The following NEBL variants were observed in gnomAD, a reference collection of about 807,000 sequenced individuals.
NEBL encodes nebulette.
In NEBL, 122 loss-of-function variants were observed where a neutral mutation model predicts 140.2. The observed-to-expected ratio is 0.87, with a 90% confidence interval of 0.75 to 1.01. The LOEUF (loss-of-function observed/expected upper bound fraction) is 1.01, where lower values mean the gene tolerates loss of function less well. Among genes scored for constraint, NEBL ranks in the 50% least tolerant of loss-of-function variants. The pLI is 0.00. For synonymous variants in NEBL, 436 were observed against 398.9 expected (o/e 1.09, Z -1.11); for missense variants, 1,365 against 1,231.3 (o/e 1.11, Z -1.62).
At chr10:20,877,235 A>G (rs976303584) in intron 5 of NEBL, among the ~76,000 whole-genome samples, 1 of 152,196 alleles carries the variant, frequency 6.6e-6, no homozygotes, top group Non-Finnish European at 1.5e-5. Context: ...ACTTGTGAGA[A>G]TCTTCAGAGG....
chr10:21,154,060 A>G (rs991392851), intron 2 of NEBL, among the ~76,000 whole-genome samples: 2 of 152,184 alleles, frequency 1.3e-5, no homozygotes, highest in African/African-American at 4.8e-5. Flanking sequence ...AAATCAGCTT[A>G]ATCATAAAGA....
intron 4 of NEBL, among the ~76,000 whole-genome samples, chr10:20,905,847 G>A (rs1848071541): frequency 6.6e-6 from 1 of 152,244 alleles, no homozygotes; most frequent in South Asian, 2.1e-4. Context: ...CTACATGACG[G>A]AAATGTATAG....
chr10:20,936,384 G>A (rs1004493283), intron 4 of NEBL, among the ~76,000 whole-genome samples: 21 of 152,174 alleles, frequency 1.4e-4, no homozygotes, highest in African/African-American at 4.6e-4. Context: ...CAAATCAGCT[G>A]TTTATGCCTA....
chr10:21,282,733 C>A (rs758353788), intron 1 of NEBL, among the ~76,000 whole-genome samples: 3 of 152,114 alleles, frequency 2.0e-5, no homozygotes, highest in Non-Finnish European at 4.4e-5. Flanking sequence ...CTGAGACCTA[C>A]TGGGCTGCAT....
intron 4 of NEBL, among the ~76,000 whole-genome samples, chr10:20,906,988 A>T (rs1848120260): frequency 6.6e-6 from 1 of 152,166 alleles, no homozygotes. Context: ...TGAACTTCAC[A>T]GTTACAGCAC....
At chr10:21,066,242 A>G (rs188150636) in intron 2 of NEBL, among the ~76,000 whole-genome samples, 4 of 152,312 alleles carry the variant, frequency 2.6e-5, no homozygotes, top group Admixed American at 2.0e-4. Flanking sequence ...CCTCTTCCAC[A>G]TACTTTTACA....
At chr10:20,900,771 G>C (rs551410548), upstream of NEBL, among the ~76,000 whole-genome samples, 2 of 151,432 alleles carry the variant, frequency 1.3e-5, no homozygotes, top group African/African-American at 4.9e-5. Flanking sequence ...CTTGAACTTG[G>C]GAGGCGTAGG....
intron 2 of NEBL, among the ~76,000 whole-genome samples, chr10:21,080,941 G>A (rs1836342011): frequency 6.6e-6 from 1 of 152,044 alleles, no homozygotes; most frequent in Non-Finnish European, 1.5e-5. Context: ...GTTAACCTCT[G>A]CCTCCTGGGT....
chr10:21,263,533 C>A (rs1267059862), intron 1 of NEBL, among the ~76,000 whole-genome samples: 5 of 152,176 alleles, frequency 3.3e-5, no homozygotes, highest in African/African-American at 1.2e-4. Context: ...TTTAGCATAG[C>A]ATGCTTACTT....
intron 3 of NEBL, among the ~76,000 whole-genome samples, chr10:21,196,674 A>G (rs1179510189): frequency 2.0e-5 from 3 of 152,128 alleles, no homozygotes; most frequent in Non-Finnish European, 4.4e-5. Context: ...CACTATTGAT[A>G]CTGGAGACAG....
intron 2 of NEBL, among the ~76,000 whole-genome samples, chr10:21,136,704 A>G (rs1394373925): frequency 6.6e-6 from 1 of 151,744 alleles, no homozygotes; most frequent in East Asian, 1.9e-4. Flanking sequence ...AGCCTACCCT[A>G]CTCTAAAGGG....
intron 2 of NEBL, among the ~76,000 whole-genome samples, chr10:21,075,135 T>C (rs986516569): frequency 6.6e-6 from 1 of 151,902 alleles, no homozygotes; most frequent in African/African-American, 2.4e-5. Flanking sequence ...AGAAGAACAA[T>C]AACCAGAAAG....
chr10:21,084,118 G>T (rs1836509267), intron 2 of NEBL, among the ~76,000 whole-genome samples: 1 of 152,210 alleles, frequency 6.6e-6, no homozygotes, highest in Non-Finnish European at 1.5e-5. Flanking sequence ...GGATAAACCA[G>T]CCACTGTGGT....
At position 21,140,844 on chromosome 10, in the gene NEBL, A is replaced by T. The variant is rs117401705; in HGVS notation, c.164+31539T>A. ...ATTAGGACAAATATCTAACGCATGC[A>T]TGGCTTAAAACCTAGATGGTGGGTT... On this transcript the variant is annotated intron_variant, in intron 2 of 6. Coordinates refer to the NEBL transcript ENST00000417816. Among the ~76,000 whole-genome samples, 315 of 152,208 alleles carry T rather than the reference A, an allele frequency of 2.1e-3. 12 individuals carry two copies. In the East Asian group the frequency reaches 0.054, roughly 26 times the overall value.
rs1355924214 is a variant in NEBL, at chr10:21,000,735, A to G, written c.249+19382T>C. Among the ~76,000 whole-genome samples the G allele has an allele frequency of 2.0e-5, 3 of 152,216 alleles. No homozygotes were observed. In the East Asian group the frequency reaches 5.8e-4, roughly 29 times the overall value. ...ACCCCAAAATGACAAAGTGAGCAAA[A>G]GACTGCAATGGAGCAGATGACATCA... On this transcript the variant is annotated intron_variant, in intron 3 of 6. Transcript: ENST00000417816.
rs531027826 is a variant in NEBL at position 20,947,007 on chromosome 10, G to A, written c.357+14665C>T. Among the ~76,000 whole-genome samples, 9 of 152,170 alleles carry A rather than the reference G, an allele frequency of 5.9e-5. 1 individual carries two copies. In the South Asian group the frequency reaches 8.3e-4, roughly 14 times the overall value. ...AGAATTTGGTAGTGAGACATACAAA[G>A]GTCCCCTAAAAAATAACCAGGAGTA... On this transcript the variant is annotated intron_variant, in intron 4 of 6. Transcript: ENST00000417816.
intron 1 of NEBL, among the ~76,000 whole-genome samples, chr10:21,275,247 G>A (rs1475101538): frequency 1.3e-5 from 2 of 152,194 alleles, no homozygotes; most frequent in Non-Finnish European, 1.5e-5. Context: ...TAATGAATGT[G>A]TGCTGTTTTA....
intron 2 of NEBL, among the ~76,000 whole-genome samples, chr10:21,095,655 C>T (rs1488606710): frequency 1.3e-5 from 2 of 152,174 alleles, no homozygotes; most frequent in African/African-American, 4.8e-5. Flanking sequence ...ATCAATTCAT[C>T]TTAAATCTGA....
intron 2 of NEBL, among the ~76,000 whole-genome samples, chr10:21,051,440 C>T (rs1366089067): frequency 6.6e-6 from 1 of 152,122 alleles, no homozygotes; most frequent in African/African-American, 2.4e-5. Context: ...GAATTCACAA[C>T]AGATAGTTAT....
Sources: allele counts gnomAD v4.1 joint callset (sites outside exome capture counted in the v4.1 genomes callset), GRCh38; gene constraint gnomAD v4.1.1; transcripts MANE v1.5; gene names NCBI Gene and HGNC (gene_info 2026-07-23, HGNC 2026-07-21).